The following SPON1 variants were observed in gnomAD, a reference collection of about 807,000 sequenced individuals.
The protein encoded by SPON1 is spondin-1.
A neutral mutation model predicts 111.7 loss-of-function variants in SPON1; 52 were observed. The ratio of observed to expected loss-of-function variants is 0.47; its 90% CI spans 0.37 to 0.59. SPON1 has a LOEUF of 0.59. Ranked by LOEUF, SPON1 falls within the 20% of genes least tolerant of loss-of-function variation. The probability of loss-of-function intolerance (pLI) is 0.00; values close to 1 mark genes in which losing one functional copy is unlikely to be tolerated. For synonymous variants in SPON1, 410 were observed against 395.8 expected (o/e 1.04, Z -0.43); for missense variants, 957 against 1,068.5 (o/e 0.90, Z 1.46).
chr11:14,040,094 C>T (rs1424187751), intron 2 of SPON1, among the ~76,000 whole-genome samples: 4 of 152,158 alleles, frequency 2.6e-5, no homozygotes, highest in African/African-American at 9.7e-5. Context: ...AGCTATTCTG[C>T]AGTACTTAGT....
At chr11:14,209,706 G>A (rs1848554430) in intron 6 of SPON1, among the ~76,000 whole-genome samples, 1 of 152,150 alleles carries the variant, frequency 6.6e-6, no homozygotes, top group African/African-American at 2.4e-5. Context: ...ATCATAAATA[G>A]TGCTGCAATA....
intron 2 of SPON1, among the ~76,000 whole-genome samples, chr11:14,011,469 G>T (rs1257919661): frequency 2.0e-5 from 3 of 150,582 alleles, no homozygotes; most frequent in Non-Finnish European, 4.4e-5. Flanking sequence ...CCTGTCCATG[G>T]CTGACTCCCC....
At chr11:14,099,863 C>G (rs1481037567) in intron 5 of SPON1, among the ~76,000 whole-genome samples, 3 of 152,046 alleles carry the variant, frequency 2.0e-5, no homozygotes, top group Non-Finnish European at 4.4e-5. Context: ...TGATGTCATA[C>G]GGTGAGAGAA....
chr11:14,242,076 C>A (rs1591424083), intron 6 of SPON1, among the ~76,000 whole-genome samples: 1 of 152,250 alleles, frequency 6.6e-6, no homozygotes, highest in East Asian at 1.9e-4. Flanking sequence ...CTCTGCACCA[C>A]CACCACCCAG....
rs1554942381 is a variant in SPON1, at chr11:14,265,507, C to A, written c.2261-17C>A. 2.5e-6 allele frequency: 4 copies of A among 1,609,152 alleles called. No individual in the cohort carries two copies. The Admixed American group carries it at 5.1e-5, about 20-fold the overall frequency. On this transcript the variant is annotated splice_polypyrimidine_tract_variant and intron_variant, in intron 15 of 15. Transcript: ENST00000576479. The stretch of plus-strand genomic sequence containing the variant: ...TCCCGTTTCTGCGGGCCTAACAAGG[C>A]ATTCTCATGCTTTCAGGTTGTAGGA...
At chr11:14,147,803 G>T (rs968366606) in intron 6 of SPON1, among the ~76,000 whole-genome samples, 27 of 105,036 alleles carry the variant, frequency 2.6e-4, no homozygotes, top group Admixed American at 3.9e-4. Flanking sequence ...ATTTTTTTTT[G>T]ATATATAAAG....
intron 2 of SPON1, among the ~76,000 whole-genome samples, chr11:13,991,699 C>T (rs1236247471): frequency 6.6e-6 from 1 of 152,124 alleles, no homozygotes; most frequent in Admixed American, 6.5e-5. Context: ...CTGGCTTATC[C>T]ACATCTTTAT....
chr11:14,027,479 G>C (rs1415773366), intron 2 of SPON1, among the ~76,000 whole-genome samples: 1 of 152,186 alleles, frequency 6.6e-6, no homozygotes, highest in Non-Finnish European at 1.5e-5. Flanking sequence ...GACTTTAAAT[G>C]AGCTGACATA....
At chr11:13,967,417 G>T (rs1467617492) in intron 1 of SPON1, among the ~76,000 whole-genome samples, 3 of 151,716 alleles carry the variant, frequency 2.0e-5, no homozygotes, top group Non-Finnish European at 4.4e-5. Flanking sequence ...CTTCAGTGTT[G>T]CATTTCCCCA....
chr11:14,230,625 T>C (rs1374894594), intron 6 of SPON1, among the ~76,000 whole-genome samples: 1 of 152,208 alleles, frequency 6.6e-6, no homozygotes. Flanking sequence ...AGGTCCGCCC[T>C]ACTCTCCTCC....
Position 14,259,228 on chromosome 11 carries a change from C to T in SPON1, c.1493-52C>T, listed in dbSNP as rs1174652066. ...GGGAAGTTCCCACCGCGCAGCCTGGCAGGCGCCCCTGCCACCGTGCACTGC... is the reference window on the plus strand; with the variant it reads ...GGGAAGTTCCCACCGCGCAGCCTGGTAGGCGCCCCTGCCACCGTGCACTGC... On this transcript the variant is annotated intron_variant, in intron 11 of 15. Transcript: ENST00000576479. The surrounding 1 kb of genome is among the most constrained non-coding windows in gnomAD (Gnocchi z 5.0). 31 of 1,512,200 alleles carry T rather than the reference C, an allele frequency of 2.0e-5. No homozygotes were observed. The Admixed American group carries it at 6.2e-4, about 30-fold the overall frequency. 93.7% of individuals were successfully genotyped at this position (1,512,200 alleles called of 1,614,324 possible). A position where few individuals can be genotyped will look rare whatever the true frequency, so the allele number is the denominator to read the frequency against.
At chr11:14,196,608 C>CTCACTT (rs1380632754) in intron 6 of SPON1, among the ~76,000 whole-genome samples, 6 of 152,242 alleles carry the variant, frequency 3.9e-5, no homozygotes, top group Non-Finnish European at 8.8e-5. Context: ...TTTCCACTTT[C>CTCACTT]TCACTTTCAC....
At chr11:14,101,924 C>T (rs938897586) in intron 5 of SPON1, among the ~76,000 whole-genome samples, 1 of 152,176 alleles carries the variant, frequency 6.6e-6, no homozygotes, top group African/African-American at 2.4e-5. Flanking sequence ...TCACCTGTCA[C>T]CAGATTCCAC....
intron 2 of SPON1, among the ~76,000 whole-genome samples, chr11:14,019,743 C>G (rs1270414126): frequency 6.6e-6 from 1 of 152,170 alleles, no homozygotes; most frequent in Non-Finnish European, 1.5e-5. Context: ...GTGATTCACT[C>G]AGCCTTTCTC....
intron 15 of SPON1, among the ~76,000 whole-genome samples, chr11:14,263,423 T>C (rs1591432154): frequency 1.3e-5 from 2 of 152,176 alleles, no homozygotes; most frequent in Admixed American, 1.3e-4. Flanking sequence ...GGAATGTTCC[T>C]GAGAACCTCC....
chr11:14,160,837 A>C lies in SPON1; in HGVS notation c.825+25269A>C, dbSNP rs1210067330. Among the ~76,000 whole-genome samples the C allele has an allele frequency of 6.2e-5, 3 of 48,264 alleles. 1 individual carries two copies. Among genetic ancestry groups the C allele is most frequent in the African/African-American group, 7.9e-5 (1 of 12,590 alleles). The allele number at this position is 48,264 out of a possible 152,430, so 31.7% of individuals were successfully genotyped here. On this transcript the variant is annotated intron_variant, in intron 6 of 15. Transcript: ENST00000576479. Reference sequence around the variant, plus strand: ...TTTTATATATATTTTATATATATTTATATATTTATATATTTATATATATTT... The same window carrying C: ...TTTTATATATATTTTATATATATTTCTATATTTATATATTTATATATATTT...
intron 3 of SPON1, among the ~76,000 whole-genome samples, chr11:14,062,730 T>C (rs1247328615): frequency 6.6e-6 from 1 of 152,220 alleles, no homozygotes; most frequent in Non-Finnish European, 1.5e-5. Context: ...TTGACTTTCT[T>C]GAAATGCATC....
At chr11:14,163,686 G>T (rs1217501825) in intron 6 of SPON1, among the ~76,000 whole-genome samples, 11 of 152,136 alleles carry the variant, frequency 7.2e-5, no homozygotes, top group Non-Finnish European at 1.6e-4. Flanking sequence ...AAATACACAT[G>T]CAGAAAAATG....
intron 2 of SPON1, among the ~76,000 whole-genome samples, chr11:14,004,114 C>T (rs1848340813): frequency 6.6e-6 from 1 of 152,160 alleles, no homozygotes; most frequent in Admixed American, 6.6e-5. Context: ...GGCAAGATCT[C>T]TTTCTGTTCT....
Sources: gnomAD v4.1 joint callset for allele counts (sites outside exome capture counted in the v4.1 genomes callset) on GRCh38, gnomAD v4.1.1 for gene constraint, Gnocchi (gnomAD v3.1) non-coding constraint, MANE v1.5 for transcripts, NCBI Gene and HGNC (gene_info 2026-07-23, HGNC 2026-07-21) for gene names.